The following DPY19L2 variants were observed in gnomAD, a reference collection of about 807,000 sequenced individuals.
The protein encoded by DPY19L2 is dpy-19 like 2.
A neutral mutation model predicts 97.9 loss-of-function variants in DPY19L2; 34 were observed. That is an observed-to-expected ratio of 0.35 (90% confidence interval 0.26 to 0.46). DPY19L2 has a LOEUF of 0.46. DPY19L2 is among the 20% of genes least tolerant of loss of function. The pLI is 1.00. For missense variants in DPY19L2, 623 were observed against 911.4 expected, an observed-to-expected ratio of 0.68 and a Z score of 4.07; for synonymous variants, 230 against 307.9, an observed-to-expected ratio of 0.75 and a Z score of 2.65.
chr12:63,578,547 G>A (rs1435581554), intron 19 of DPY19L2, among the ~76,000 whole-genome samples: 2 of 152,056 alleles, frequency 1.3e-5, no homozygotes, highest in Non-Finnish European at 2.9e-5. Flanking sequence ...TTGTATGCCT[G>A]TATCAAAATA....
intron 4 of DPY19L2, among the ~76,000 whole-genome samples, chr12:63,655,744 C>CGGGG (rs74902711): frequency 2.8e-5 from 4 of 144,474 alleles, no homozygotes; most frequent in South Asian, 4.5e-4. Context: ...AAGGAAGGGT[C>CGGGG]GGGGGGTGGG....
At chr12:63,578,140 A>T (rs1412623423) in intron 19 of DPY19L2, among the ~76,000 whole-genome samples, 1 of 152,040 alleles carries the variant, frequency 6.6e-6, no homozygotes, top group Non-Finnish European at 1.5e-5. Flanking sequence ...CTGTCATAAA[A>T]AAAGAATGAG....
intron 12 of DPY19L2, among the ~76,000 whole-genome samples, chr12:63,607,527 G>T (rs1342788173): frequency 6.6e-6 from 1 of 152,112 alleles, no homozygotes; most frequent in African/African-American, 2.4e-5. Context: ...CATAAAGGAT[G>T]GGAGAATGCC....
intron 6 of DPY19L2, among the ~76,000 whole-genome samples, chr12:63,634,424 T>C (rs1891284054): frequency 6.6e-6 from 1 of 152,072 alleles, no homozygotes; most frequent in Non-Finnish European, 1.5e-5. Flanking sequence ...ACTGAAGTAC[T>C]GGGTTCATCT....
intron 16 of DPY19L2, among the ~76,000 whole-genome samples, chr12:63,591,504 T>C (rs1882902733): frequency 6.6e-6 from 1 of 152,148 alleles, no homozygotes; most frequent in Non-Finnish European, 1.5e-5. Context: ...TTTGAGATCA[T>C]ATTTCCCTCA....
At chr12:63,591,193 A>G (rs1882845667) in intron 16 of DPY19L2, 1 of 440,768 alleles carries the variant, frequency 2.3e-6, no homozygotes, top group East Asian at 7.1e-5. Context: ...AGATGCACCT[A>G]AGAGCTTAAT....
chr12:63,581,801 TTC>T, intron 18 of DPY19L2, among the ~76,000 whole-genome samples: 1 of 141,758 alleles, frequency 7.1e-6, no homozygotes, highest in East Asian at 2.2e-4. Context: ...ACTCTTTTTT[TTC>T]TCTTTTTCTT....
rs1484019281 is a variant in DPY19L2 at position 63,559,989 on chromosome 12, C to G, written c.*523G>C. 6 of 152,286 alleles carry G rather than the reference C, an allele frequency of 3.9e-5. No individual in the cohort carries two copies. Among genetic ancestry groups the G allele is most frequent in the African/African-American group, 1.4e-4 (6 of 41,412 alleles). 9.4% of individuals were successfully genotyped at this position (152,286 alleles called of 1,614,324 possible). On this transcript the variant is annotated 3_prime_UTR_variant, in exon 22 of 22. Transcript: ENST00000324472. ...GTATTAAAAGGTATTAGAGATCTTT[C>G]TTAAGGGCTGGTAAAATAAAAACAC...
chr12:63,608,762 G>T (rs1274607827), intron 11 of DPY19L2, 87 bp from the exon 12 acceptor site: 1 of 692,046 alleles, frequency 1.4e-6, no homozygotes, highest in Non-Finnish European at 2.4e-6. Flanking sequence ...AAATTATATA[G>T]CCACCCTGTT....
At chr12:63,588,816 C>G (rs527843823) in intron 16 of DPY19L2, among the ~76,000 whole-genome samples, 1 of 147,786 alleles carries the variant, frequency 6.8e-6, no homozygotes, top group South Asian at 2.1e-4. Context: ...TGCGGTGGCG[C>G]GATCTCAGCT....
In DPY19L2 at chr12:63,661,128, C is replaced by T. The variant is rs140211663; in HGVS notation, c.588+216G>A. On this transcript the variant is annotated intron_variant, in intron 4 of 21. Coordinates refer to ENST00000324472, the MANE Select transcript of DPY19L2 (RefSeq NM_173812.5). ...TGTCTATTACCCTGGCCATTATTTACACACTAAGGTTCATTCTTCGAGTTC... is the reference window on the plus strand; with the variant it reads ...TGTCTATTACCCTGGCCATTATTTATACACTAAGGTTCATTCTTCGAGTTC... 4.4e-3 allele frequency: 1,475 copies of T among 338,078 alleles called. 29 individuals are homozygous for T. Among genetic ancestry groups the T allele is most frequent in the African/African-American group, 0.028 (1,306 of 46,518 alleles). 20.9% of individuals were successfully genotyped at this position (338,078 alleles called of 1,614,324 possible).
At chr12:63,603,938 A>G (rs1885609503) in intron 12 of DPY19L2, among the ~76,000 whole-genome samples, 1 of 152,216 alleles carries the variant, frequency 6.6e-6, no homozygotes, top group Admixed American at 6.5e-5. Flanking sequence ...AAACAGGCAC[A>G]TAGACCAATG....
chr12:63,613,274 A>G lies in DPY19L2; in HGVS notation c.1218+4030T>C, dbSNP rs541681999. Among the ~76,000 whole-genome samples, 5 of 152,306 alleles carry G rather than the reference A, an allele frequency of 3.3e-5. 1 individual carries two copies. In the South Asian group the frequency reaches 1.0e-3, roughly 32 times the overall value. On this transcript the variant is annotated intron_variant, in intron 11 of 21. Coordinates refer to ENST00000324472, the MANE Select transcript of DPY19L2 (RefSeq NM_173812.5). ...ACAATTTTAGAAAGCTGTATCCCAC[A>G]AAAAATAATAAAACAGCATGACCAA... is the stretch of plus-strand genomic sequence containing the variant.
At chr12:63,623,032 G>A (rs976249400) in intron 8 of DPY19L2, among the ~76,000 whole-genome samples, 31 of 151,982 alleles carry the variant, frequency 2.0e-4, no homozygotes, top group Non-Finnish European at 4.4e-4. Context: ...AATCTCCCAG[G>A]GACTAGTAGG....
chr12:63,644,571 C>T (rs61936119), intron 5 of DPY19L2, 75 bp from the exon 6 acceptor site: 165,464 of 1,550,896 alleles, frequency 0.11, 10,176 homozygotes, highest in East Asian at 0.29. Flanking sequence ...TATCTCAGTG[C>T]TTTGCAATCA....
intron 16 of DPY19L2, among the ~76,000 whole-genome samples, chr12:63,589,664 G>A (rs1403294476): frequency 6.6e-6 from 1 of 151,806 alleles, no homozygotes; most frequent in Non-Finnish European, 1.5e-5. Context: ...TTTTCGTATA[G>A]GGAAGTGTTC....
chr12:63,620,885 G>C (rs1415838156), intron 9 of DPY19L2, among the ~76,000 whole-genome samples: 1 of 152,046 alleles, frequency 6.6e-6, no homozygotes, highest in African/African-American at 2.4e-5. Flanking sequence ...GCCATAAAAA[G>C]GAACAAGATC....
chr12:63,594,812 T>G (rs1883928557), intron 15 of DPY19L2, among the ~76,000 whole-genome samples: 4 of 152,128 alleles, frequency 2.6e-5, no homozygotes, highest in South Asian at 2.1e-4. Flanking sequence ...CTCACATTGC[T>G]GACTCTCCGC....
chr12:63,612,318 G>A lies in DPY19L2; in HGVS notation c.1219-3643C>T, dbSNP rs193093673. Among the ~76,000 whole-genome samples, 94 of 152,024 alleles carry A rather than the reference G, an allele frequency of 6.2e-4. No homozygotes were observed. In the East Asian group the frequency reaches 0.014, roughly 22 times the overall value. On this transcript the variant is annotated intron_variant, in intron 11 of 21. Transcript: ENST00000324472. ...TGGCTGTACACAAGTAAAATGCACCGAAAATGGTAACTACAGGGTAAATAT... is the reference window on the plus strand; with the variant it reads ...TGGCTGTACACAAGTAAAATGCACCAAAAATGGTAACTACAGGGTAAATAT...
Sources: gnomAD v4.1 joint callset for allele counts (sites outside exome capture counted in the v4.1 genomes callset) on GRCh38, gnomAD v4.1.1 for gene constraint, MANE v1.5 for transcripts, NCBI Gene and HGNC (gene_info 2026-07-23, HGNC 2026-07-21) for gene names.